Variants in NAA10 observed in about 807,000 individuals in gnomAD.
NAA10 encodes N-alpha-acetyltransferase 10.
Under a neutral mutation model 19.2 loss-of-function variants are expected in NAA10, and 6 were observed. The observed-to-expected ratio is 0.31, with a 90% CI of 0.17 to 0.62. NAA10 has a LOEUF of 0.62. Among genes scored for constraint, NAA10 ranks in the 20% least tolerant of loss-of-function variants. The pLI is 0.83. For synonymous variants in NAA10, 97 were observed against 79.9 expected, an observed-to-expected ratio of 1.21 and a Z score of -1.14; for missense variants, 101 against 198.4, an observed-to-expected ratio of 0.51 and a Z score of 2.95.
intron 2 of NAA10, 127 bp from the exon 3 acceptor site, chrX:153,934,128 TC>T: frequency 1.5e-6 from 1 of 656,483 alleles, no homozygotes; most frequent in South Asian, 2.2e-5. Context: ...TGGCTTGGTC[TC>T]CCCCTCGCCA....
chrX:153,934,833 C>A, intron 1 of NAA10, 51 bp downstream of exon 1: 1 of 978,824 alleles, frequency 1.0e-6, no homozygotes, highest in Non-Finnish European at 1.3e-6. Flanking sequence ...GCGGCAGCCA[C>A]CCGGCCCGGC....
At chrX:153,930,289 A>G in intron 7 of NAA10, 66 bp from the exon 8 acceptor site, 1 of 1,031,334 alleles carries the variant, frequency 9.7e-7, no homozygotes, top group African/African-American at 1.8e-5. Context: ...AGACAAAGGG[A>G]GCCTGGCCCT....
At chrX:153,930,595 C>A in intron 7 of NAA10, 168 bp downstream of exon 7, 2 of 523,853 alleles carry the variant, frequency 3.8e-6, no homozygotes, top group Admixed American at 2.8e-5. Flanking sequence ...CTCCAGGCTG[C>A]TAGGCAGATG....
In NAA10 at chrX:153,934,018, A is replaced by T; in HGVS notation, c.121-17T>A. 1 of 1,201,224 alleles carries T rather than the reference A, an allele frequency of 8.3e-7. No individual in the cohort carries two copies. Among genetic ancestry groups the T allele is most frequent in the Non-Finnish European group, 1.1e-6 (1 of 886,006 alleles). On this transcript the variant is annotated splice_polypyrimidine_tract_variant and intron_variant, in intron 2 of 7. Transcript: ENST00000464845. ...GTAAGAGAGCTGGTGACAGGAAAAC[A>T]GAGTGAGAAAACTTCTTGTCGGAGC...
intron 1 of NAA10, 80 bp downstream of exon 1, chrX:153,934,803 CG>C: frequency 1.1e-6 from 1 of 890,961 alleles, no homozygotes; most frequent in Non-Finnish European, 1.4e-6. Context: ...CGGGCTCGGC[CG>C]GGGCCCTCGG....
Position 153,934,721 on chromosome X carries a change from C to T in NAA10, c.21+163G>A, listed in dbSNP as rs1446057258. The T allele has an allele frequency of 2.8e-5, 18 of 653,903 alleles. No individual in the cohort carries two copies. In the Admixed American group the frequency reaches 4.2e-4, roughly 15 times the overall value. 53.9% of individuals were successfully genotyped at this position (653,903 alleles called of 1,213,427 possible). On this transcript the variant is annotated intron_variant, in intron 1 of 7. Coordinates refer to ENST00000464845, the MANE Select transcript of NAA10 (RefSeq NM_003491.4). Reference sequence around the variant, plus strand: ...AGGGAATCGCAGCCCCGGCCCCGCGCCCCGGCCTCTTCGGCGGGCTGGGCC... The same window carrying T: ...AGGGAATCGCAGCCCCGGCCCCGCGTCCCGGCCTCTTCGGCGGGCTGGGCC...
intron 7 of NAA10, 31 bp from the exon 8 acceptor site, chrX:153,930,254 G>T (rs782298008): frequency 1.7e-6 from 2 of 1,162,549 alleles, no homozygotes; most frequent in South Asian, 3.6e-5. Flanking sequence ...AGAAGCGGGG[G>T]CAAAGAGACA....
Position 153,930,103 on chromosome X carries a change from TCTC to T in NAA10, c.589_591del (p.Glu197del), listed in dbSNP as rs782519196. ...CCACTATCCTCGGCAGCCAGGCCCT[TCTC>T]CTCGCGACAGGCCTCTCCTGAGCTC... is the stretch of plus-strand genomic sequence containing the variant. On this transcript the variant is annotated inframe_deletion, in exon 8 of 8. Coordinates refer to ENST00000464845, the MANE Select transcript of NAA10 (RefSeq NM_003491.4). 30 of 1,208,231 alleles carry T rather than the reference TCTC, an allele frequency of 2.5e-5. No individual in the cohort carries two copies. The highest frequency in any genetic ancestry group is 4.4e-5 in the Admixed American group (2 of 45,635).
intron 3 of NAA10, among the ~76,000 whole-genome samples, chrX:153,933,468 C>T (rs1195801977): frequency 1.3e-4 from 14 of 111,625 alleles, no homozygotes; most frequent in Admixed American, 7.6e-4. Flanking sequence ...GTCAGGAATT[C>T]GAGACCAGCC....
At chrX:153,932,907 G>A (rs1285775312) in intron 3 of NAA10, 2 of 314,407 alleles carry the variant, frequency 6.4e-6, no homozygotes, top group Non-Finnish European at 1.1e-5. Context: ...CAAAAAATTA[G>A]CTGGATGTGG....
intron 7 of NAA10, 178 bp from the exon 8 acceptor site, chrX:153,930,401 G>A: frequency 6.1e-6 from 3 of 492,675 alleles, no homozygotes; most frequent in Non-Finnish European, 1.1e-5. Flanking sequence ...ACCGCTACCT[G>A]GGCTTACCGA....
chrX:153,930,802 G>A lies in NAA10; in HGVS notation c.432C>T (p.Ala144=). 8.3e-7 allele frequency: 1 copy of A among 1,211,971 alleles called. No individual in the cohort carries two copies. Among genetic ancestry groups the A allele is most frequent in the East Asian group, 3.0e-5 (1 of 33,852 alleles). ...EPKYYADGED[A]YAMKRDLTQM... ...GAGTGAGGTCCCGCTTCATGGCATA[G>A]GCGTCCTCCCCATCTGCATAGTATT... The change falls in exon 7 of 8, where the codon GCC becomes GCT. Residue 144 remains alanine (A), a synonymous_variant. Coordinates refer to ENST00000464845, the MANE Select transcript of NAA10 (RefSeq NM_003491.4).
chrX:153,930,203 C>T lies in NAA10; in HGVS notation c.492G>A (p.Leu164=). ...GCACCACGTGCCTGCCCTTCTCTTT[C>T]AGCTCCAGGTGCCGCCTCAGCTGCC... ...MADELRRHLE[L]KEKGRHVVLG... Residue 164 remains leucine, a synonymous_variant, in exon 8 of 8, where the codon CTG becomes CTA. Transcript: ENST00000464845. 10 of 1,211,105 alleles carry T rather than the reference C, an allele frequency of 8.3e-6. No individual in the cohort carries two copies. The highest frequency in any genetic ancestry group is 1.1e-5 in the Non-Finnish European group (10 of 895,199).
At position 153,929,303 on chromosome X, in the gene NAA10, C is replaced by T. The variant is rs1451885455; in HGVS notation, c.*684G>A. The stretch of plus-strand genomic sequence containing the variant: ...ACAATAACAAATACACCAACTAATA[C>T]AAAATGTCAATGGGGAAACGCGGGG... On this transcript the variant is annotated 3_prime_UTR_variant, in exon 8 of 8. Coordinates refer to ENST00000464845, the MANE Select transcript of NAA10 (RefSeq NM_003491.4). The T allele has an allele frequency of 8.9e-6, 1 of 112,257 alleles. No individual in the cohort carries two copies. The highest frequency in any genetic ancestry group is 1.9e-5 in the Non-Finnish European group (1 of 53,568). The allele number at this position is 112,257 out of a possible 1,213,427, so 9.3% of individuals were successfully genotyped here.
chrX:153,932,232 T>A, intron 5 of NAA10, 84 bp downstream of exon 5: 1 of 1,146,565 alleles, frequency 8.7e-7, no homozygotes, highest in Non-Finnish European at 1.2e-6. Flanking sequence ...TCCTGGATCT[T>A]CACCAAAAGC....
chrX:153,934,296 C>T (rs1424129451), intron 2 of NAA10, 81 bp downstream of exon 2: 2 of 874,076 alleles, frequency 2.3e-6, no homozygotes, highest in African/African-American at 2.0e-5. Flanking sequence ...CTCTGACAGA[C>T]TTGTCCACTC....
chrX:153,934,924 G>C lies in NAA10; in HGVS notation c.-20C>G. ...GTTCATAACGGCGGCGGGGCTCGCG[G>C]GTCCCAGCGGATCGTGAAGGCGCAG... On this transcript the variant is annotated 5_prime_UTR_variant, in exon 1 of 8. Transcript: ENST00000464845. 1.0e-6 allele frequency: 1 copy of C among 999,841 alleles called. No homozygotes were observed. Among genetic ancestry groups the C allele is most frequent in the Non-Finnish European group, 1.3e-6 (1 of 783,609 alleles). 82.4% of individuals were successfully genotyped at this position (999,841 alleles called of 1,213,427 possible).
At chrX:153,934,173 C>A in intron 2 of NAA10, 172 bp from the exon 3 acceptor site, 1 of 558,290 alleles carries the variant, frequency 1.8e-6, no homozygotes. Flanking sequence ...AAAGAAGACG[C>A]AAAGTGGGGA....
In NAA10 at chrX:153,934,687, G is replaced by A. The variant is rs1557108044; in HGVS notation, c.21+197C>T. On this transcript the variant is annotated intron_variant, in intron 1 of 7. Transcript: ENST00000464845. ...CCACCCAACGGAGGCCCGACATCAC[G>A]CAAACAGGAGGGAATCGCAGCCCCG... 4 of 582,679 alleles carry A rather than the reference G, an allele frequency of 6.9e-6. No individual in the cohort carries two copies. The African/African-American group carries it at 9.0e-5, about 13-fold the overall frequency. The allele number at this position is 582,679 out of a possible 1,213,427, so 48.0% of individuals were successfully genotyped here.
Sources: allele counts gnomAD v4.1 joint callset (sites outside exome capture counted in the v4.1 genomes callset), GRCh38; gene constraint gnomAD v4.1.1; transcripts MANE v1.5; gene names NCBI Gene and HGNC (gene_info 2026-07-23, HGNC 2026-07-21).